The following FASTKD1 variants were observed in gnomAD, a reference collection of about 807,000 sequenced individuals.
FASTKD1 encodes the protein FAST kinase domain-containing protein 1, mitochondrial.
FASTKD1 carries 94 observed loss-of-function variants against 90.9 expected under a neutral mutation model. The ratio of observed to expected loss-of-function variants is 1.03; its 90% CI spans 0.88 to 1.23. The LOEUF (loss-of-function observed/expected upper bound fraction) is 1.23, where lower values mean the gene tolerates loss of function less well. Among genes scored for constraint, FASTKD1 ranks in the 50% most tolerant of loss-of-function variants. The probability of loss-of-function intolerance (pLI) is 0.00; values close to 1 mark genes in which losing one functional copy is unlikely to be tolerated. For missense variants in FASTKD1, 945 were observed against 993.5 expected (o/e 0.95, Z 0.66); for synonymous variants, 319 against 345.8 (o/e 0.92, Z 0.86).
intron 4 of FASTKD1, among the ~76,000 whole-genome samples, chr2:169,561,814 G>GTAAATTATTTATTAATTTATTT (rs1683644630): frequency 1.6e-5 from 2 of 128,746 alleles, no homozygotes; most frequent in African/African-American, 2.6e-5. Context: ...TTAATTTATT[G>GTAAATTATTTATTAATTTATTT]TAAATTATTT....
Position 169,560,595 on chromosome 2 carries a change from C to CATCTTTCTAT in FASTKD1, c.762_763insATAGAAAGAT (p.Val255IlefsTer8). ...AGGTGGTCCACATTACTTAAAAATACGTTATTACATCTTTCTAATAGTGGT... is the reference window on the plus strand; with the variant it reads ...AGGTGGTCCACATTACTTAAAAATACATCTTTCTATGTTATTACATCTTTCTAATAGTGGT... On this transcript the variant is annotated frameshift_variant, in exon 5 of 15. Transcript: ENST00000453153. LOFTEE classifies it high-confidence loss of function. 1 of 1,607,688 alleles carries CATCTTTCTAT rather than the reference C, an allele frequency of 6.2e-7. No homozygotes were observed.
chr2:169,538,320 T>C (rs923644942), intron 10 of FASTKD1, among the ~76,000 whole-genome samples, 179 bp from the exon 11 acceptor site: 1 of 152,180 alleles, frequency 6.6e-6, no homozygotes, highest in Admixed American at 6.5e-5. Context: ...TTACATTCAG[T>C]GACATGATTA....
intron 2 of FASTKD1, among the ~76,000 whole-genome samples, chr2:169,570,766 C>T (rs1684199435): frequency 6.6e-6 from 1 of 151,090 alleles, no homozygotes; most frequent in Non-Finnish European, 1.5e-5. Flanking sequence ...ACCTCTACCA[C>T]GTGAATTCAA....
intron 7 of FASTKD1, among the ~76,000 whole-genome samples, chr2:169,548,993 A>C (rs1685360404): frequency 1.3e-5 from 2 of 151,872 alleles, no homozygotes; most frequent in South Asian, 4.2e-4. Flanking sequence ...GCTACTCAGG[A>C]GGCTGAGACA....
At chr2:169,544,596 C>G (rs1574379196) in intron 9 of FASTKD1, 125 bp downstream of exon 9, 1 of 652,578 alleles carries the variant, frequency 1.5e-6, no homozygotes, top group East Asian at 2.9e-5. Flanking sequence ...AACAAAAAAC[C>G]TTTTTTTAGG....
chr2:169,573,130 C>T (rs1010832250), intron 1 of FASTKD1: 1 of 151,666 alleles, frequency 6.6e-6, no homozygotes, highest in African/African-American at 2.4e-5. Context: ...ATTACACAAA[C>T]AAATCAACGC....
rs371337071 is a variant in FASTKD1 at position 169,570,675 on chromosome 2, C to CTTT, written c.377+975_377+977dup. 3.4e-4 allele frequency among the ~76,000 whole-genome samples: 46 copies of CTTT among 134,844 alleles called. 1 individual carries two copies. Among genetic ancestry groups the CTTT allele is most frequent in the East Asian group, 8.6e-4 (4 of 4,648 alleles). The allele number at this position is 134,844 out of a possible 152,430, so 88.5% of individuals were successfully genotyped here. On this transcript the variant is annotated intron_variant, in intron 2 of 14. Transcript: ENST00000453153. ...AATTGCTGATTGTTATTAGGCATTA[C>CTTT]TTTTTTTTTTTTTTTTTGGAGACAG...
At chr2:169,538,675 CAAAAAAA>C (rs35866271) in intron 10 of FASTKD1, among the ~76,000 whole-genome samples, 24 of 90,930 alleles carry the variant, frequency 2.6e-4, no homozygotes, top group Non-Finnish European at 4.6e-4. Flanking sequence ...AACTCCGTCT[CAAAAAAA>C]AAAAAAAAAA....
intron 10 of FASTKD1, among the ~76,000 whole-genome samples, chr2:169,539,218 G>C (rs145805171): frequency 1.3e-5 from 2 of 151,440 alleles, no homozygotes; most frequent in African/African-American, 4.9e-5. Flanking sequence ...GTTGCAGTGA[G>C]CTAAGATTGA....
intron 5 of FASTKD1, 94 bp downstream of exon 5, chr2:169,560,293 G>T: frequency 1.1e-6 from 1 of 925,196 alleles, no homozygotes; most frequent in Non-Finnish European, 1.6e-6. Flanking sequence ...CTAATAGGGT[G>T]ATATTTGTAC....
intron 6 of FASTKD1, among the ~76,000 whole-genome samples, chr2:169,556,545 TG>T (rs1221025176): frequency 7.9e-5 from 12 of 151,536 alleles, no homozygotes; most frequent in Non-Finnish European, 1.2e-4. Flanking sequence ...CCTGGAGGGC[TG>T]GGTGCGGTGG....
chr2:169,529,979 C>A, intron 14 of FASTKD1, 53 bp from the exon 15 acceptor site: 1 of 1,275,200 alleles, frequency 7.8e-7, no homozygotes, highest in Non-Finnish European at 1.1e-6. Context: ...CAACAAAAAA[C>A]ATTGAGGAAG....
At chr2:169,540,260 G>GT (rs1684910077) in intron 9 of FASTKD1, 81 bp from the exon 10 acceptor site, 1 of 1,314,852 alleles carries the variant, frequency 7.6e-7, no homozygotes, top group African/African-American at 1.5e-5. Context: ...GCAAACCCAG[G>GT]TTTTTAAAAA....
Position 169,551,268 on chromosome 2 carries a change from A to G in FASTKD1, c.1214+3856T>C, listed in dbSNP as rs138818122. On this transcript the variant is annotated intron_variant, in intron 7 of 14. Coordinates refer to ENST00000453153, the MANE Select transcript of FASTKD1 (RefSeq NM_024622.6). The stretch of plus-strand genomic sequence containing the variant: ...GAGGACATGCATACCCTATGAACCA[A>G]TGATTACACTCGCTGGCACACAGAA... 7.2e-5 allele frequency among the ~76,000 whole-genome samples: 11 copies of G among 152,316 alleles called. No homozygotes were observed. The East Asian group carries it at 2.1e-3, about 29-fold the overall frequency.
chr2:169,544,183 T>C (rs1471279215), intron 9 of FASTKD1, among the ~76,000 whole-genome samples: 2 of 151,696 alleles, frequency 1.3e-5, no homozygotes, highest in Non-Finnish European at 2.9e-5. Context: ...CTGTAAAATG[T>C]TAACATTATT....
intron 13 of FASTKD1, 166 bp from the exon 14 acceptor site, chr2:169,530,867 A>T (rs964959065): frequency 9.1e-6 from 6 of 662,092 alleles, no homozygotes; most frequent in Non-Finnish European, 1.6e-5. Flanking sequence ...TTGATGACAA[A>T]CCTATTTAGT....
At chr2:169,542,899 T>C (rs1005641821) in intron 9 of FASTKD1, among the ~76,000 whole-genome samples, 1 of 152,206 alleles carries the variant, frequency 6.6e-6, no homozygotes, top group Non-Finnish European at 1.5e-5. Context: ...TCAGACATTA[T>C]GTGCCTCCAG....
chr2:169,543,736 G>A (rs74678223), intron 9 of FASTKD1, among the ~76,000 whole-genome samples: 4,037 of 151,220 alleles, frequency 0.027, 183 homozygotes, highest in African/African-American at 0.093. Context: ...TTATTATACA[G>A]TTTATTATTA....
intron 9 of FASTKD1, among the ~76,000 whole-genome samples, chr2:169,544,424 A>C (rs1275049296): frequency 6.6e-6 from 1 of 152,040 alleles, no homozygotes; most frequent in Non-Finnish European, 1.5e-5. Flanking sequence ...GCAAAAAATT[A>C]GCCGGGTGTG....
Sources: gnomAD v4.1 joint callset for allele counts (sites outside exome capture counted in the v4.1 genomes callset) on GRCh38, gnomAD v4.1.1 for gene constraint, MANE v1.5 for transcripts, NCBI Gene and HGNC (gene_info 2026-07-23, HGNC 2026-07-21) for gene names.